THSD7B: variants seen among roughly 807,000 people sequenced by gnomAD.
The protein encoded by THSD7B is thrombospondin type-1 domain-containing protein 7B.
Under a neutral mutation model 213.6 loss-of-function variants are expected in THSD7B, and 138 were observed. The ratio of observed to expected loss-of-function variants is 0.65; its 90% CI spans 0.56 to 0.74. The LOEUF (loss-of-function observed/expected upper bound fraction) is 0.74. Ranked by LOEUF, THSD7B falls within the 30% of genes least tolerant of loss-of-function variation. The pLI is 0.00. For missense variants in THSD7B, 1,931 were observed against 1,991.5 expected (o/e 0.97, Z 0.58); for synonymous variants, 742 against 687.0 (o/e 1.08, Z -1.25).
At position 137,201,858 on chromosome 2, in the gene THSD7B, C is replaced by T. The variant is rs1680881550; in HGVS notation, c.1724-29186C>T. 2.6e-5 allele frequency among the ~76,000 whole-genome samples: 4 copies of T among 152,262 alleles called. No individual in the cohort carries two copies. In the South Asian group the frequency reaches 8.3e-4, roughly 32 times the overall value. Reference sequence around the variant, plus strand: ...TCATTTGTGGTTTAATTTACAATTTCCTAATGACTAAATAGACTGAGCCCT... The same window carrying T: ...TCATTTGTGGTTTAATTTACAATTTTCTAATGACTAAATAGACTGAGCCCT... On this transcript the variant is annotated intron_variant, in intron 7 of 27. Transcript: ENST00000409968.
intron 2 of THSD7B, among the ~76,000 whole-genome samples, chr2:136,904,308 G>A (rs556475881): frequency 7.2e-5 from 11 of 152,158 alleles, no homozygotes; most frequent in African/African-American, 2.6e-4. Context: ...GAGTCATCCA[G>A]TCATCCTGAT....
At chr2:137,603,720 G>C (rs904934279) in intron 17 of THSD7B, among the ~76,000 whole-genome samples, 2 of 152,188 alleles carry the variant, frequency 1.3e-5, no homozygotes, top group African/African-American at 4.8e-5. Flanking sequence ...TTCAAGCTCA[G>C]TTTACTGATC....
chr2:137,254,533 G>T (rs916623524), intron 10 of THSD7B, among the ~76,000 whole-genome samples: 3 of 152,120 alleles, frequency 2.0e-5, no homozygotes, highest in African/African-American at 7.2e-5. Flanking sequence ...TGTCTTATTT[G>T]TTCATGGGTA....
At chr2:137,138,391 C>T (rs1679511790) in intron 5 of THSD7B, among the ~76,000 whole-genome samples, 1 of 152,100 alleles carries the variant, frequency 6.6e-6, no homozygotes, top group Admixed American at 6.6e-5. Flanking sequence ...TTCCTAACAG[C>T]TTTTGGTGTT....
chr2:137,514,735 A>T (rs1051567824), intron 15 of THSD7B, among the ~76,000 whole-genome samples: 3 of 152,210 alleles, frequency 2.0e-5, no homozygotes, highest in African/African-American at 7.2e-5. Context: ...GAACACTAAT[A>T]GTCCTTGGTG....
At chr2:136,988,990 G>C (rs1054510699) in intron 2 of THSD7B, among the ~76,000 whole-genome samples, 1 of 152,228 alleles carries the variant, frequency 6.6e-6, no homozygotes, top group African/African-American at 2.4e-5. Flanking sequence ...AATTCAGACA[G>C]TGGTCAATGA....
In THSD7B at chr2:137,324,446, A is replaced by G. The variant is rs185802887; in HGVS notation, c.2500+48420A>G. ...ATGACATTCATGTTTATTTCATTCAATCAAAAATTTCTGTGTGTTTTATAA... is the reference window on the plus strand; with the variant it reads ...ATGACATTCATGTTTATTTCATTCAGTCAAAAATTTCTGTGTGTTTTATAA... On this transcript the variant is annotated intron_variant, in intron 12 of 27. Transcript: ENST00000409968. Among the ~76,000 whole-genome samples the G allele has an allele frequency of 2.8e-5, 4 of 145,238 alleles. No homozygotes were observed. In the East Asian group the frequency reaches 5.9e-4, roughly 22 times the overall value.
intron 5 of THSD7B, 48 bp from the exon 6 acceptor site, chr2:137,160,165 A>G: frequency 6.4e-7 from 1 of 1,572,886 alleles, no homozygotes; most frequent in East Asian, 2.3e-5. Flanking sequence ...AGCAATGCTA[A>G]GGATGTCCAG....
At chr2:136,776,668 C>G (rs141295108) in intron 1 of THSD7B, among the ~76,000 whole-genome samples, 1 of 152,226 alleles carries the variant, frequency 6.6e-6, no homozygotes, top group Non-Finnish European at 1.5e-5. Context: ...CAAATGCCTA[C>G]AAGATAAAAG....
At chr2:137,400,787 C>T (rs1300939058) in intron 12 of THSD7B, among the ~76,000 whole-genome samples, 10 of 152,088 alleles carry the variant, frequency 6.6e-5, no homozygotes, top group Non-Finnish European at 8.8e-5. Flanking sequence ...GAGAAGTGCT[C>T]GGATGTCTCA....
intron 2 of THSD7B, among the ~76,000 whole-genome samples, chr2:136,914,873 G>C (rs1269974289): frequency 6.6e-6 from 1 of 152,082 alleles, no homozygotes; most frequent in African/African-American, 2.4e-5. Flanking sequence ...TGTGATCAGT[G>C]TCTATTACAT....
intron 1 of THSD7B, among the ~76,000 whole-genome samples, chr2:136,814,386 T>C (rs1256459413): frequency 6.6e-6 from 1 of 152,016 alleles, no homozygotes; most frequent in East Asian, 1.9e-4. Flanking sequence ...TTGTTTTTTT[T>C]CTTTTTATTT....
At chr2:137,468,503 G>A (rs1368934276) in intron 15 of THSD7B, among the ~76,000 whole-genome samples, 1 of 151,296 alleles carries the variant, frequency 6.6e-6, no homozygotes, top group African/African-American at 2.4e-5. Context: ...ATCTTCTATC[G>A]CCATTATGAG....
In THSD7B at chr2:137,603,604, A is replaced by G. The variant is rs1408011887; in HGVS notation, c.3424-12571A>G. ...TATATAGCAAGTATAAAAAGATAGC[A>G]CTTGAAGTACTTGACATCCAAGAAG... On this transcript the variant is annotated intron_variant, in intron 17 of 27. Coordinates refer to ENST00000409968, the MANE Select transcript of THSD7B (RefSeq NM_001316349.2). 3.9e-5 allele frequency among the ~76,000 whole-genome samples: 6 copies of G among 152,326 alleles called. No homozygotes were observed. In the East Asian group the frequency reaches 1.2e-3, roughly 29 times the overall value.
chr2:137,633,894 A>G (rs1228858332), intron 20 of THSD7B, among the ~76,000 whole-genome samples: 3 of 152,206 alleles, frequency 2.0e-5, no homozygotes. Flanking sequence ...AAGGTATCAT[A>G]CAATAAAATG....
At chr2:136,991,854 T>A (rs989458132) in intron 2 of THSD7B, among the ~76,000 whole-genome samples, 1 of 152,214 alleles carries the variant, frequency 6.6e-6, no homozygotes, top group Non-Finnish European at 1.5e-5. Flanking sequence ...TATTTTGTAA[T>A]TCAGGTTCAT....
At chr2:137,637,360 A>C (rs1682853044) in intron 20 of THSD7B, among the ~76,000 whole-genome samples, 1 of 152,252 alleles carries the variant, frequency 6.6e-6, no homozygotes, top group Admixed American at 6.5e-5. Context: ...ATAGAAAAAG[A>C]AATATAGTAA....
chr2:137,566,143 G>A (rs2105227329), intron 16 of THSD7B, among the ~76,000 whole-genome samples: 1 of 152,252 alleles, frequency 6.6e-6, no homozygotes, highest in Non-Finnish European at 1.5e-5. Flanking sequence ...GTTTATCCAT[G>A]ACTAGAATCA....
intron 13 of THSD7B, among the ~76,000 whole-genome samples, chr2:137,407,891 T>C (rs1293234797): frequency 6.6e-6 from 1 of 151,464 alleles, no homozygotes; most frequent in Non-Finnish European, 1.5e-5. Context: ...TTCCATTTAT[T>C]AGATAGAAAA....
Sources: allele counts gnomAD v4.1 joint callset (sites outside exome capture counted in the v4.1 genomes callset), GRCh38; gene constraint gnomAD v4.1.1; transcripts MANE v1.5; gene names NCBI Gene and HGNC (gene_info 2026-07-23, HGNC 2026-07-21).